The following ACOX3 variants were observed in gnomAD, a reference collection of about 807,000 sequenced individuals.
ACOX3 encodes acyl-CoA oxidase 3, pristanoyl.
ACOX3 carries 73 observed loss-of-function variants against 81.5 expected under a neutral mutation model. The ratio of observed to expected loss-of-function variants is 0.90; its 90% CI spans 0.74 to 1.09. The LOEUF (loss-of-function observed/expected upper bound fraction) is 1.09, where lower values mean the gene tolerates loss of function less well. Ranked by LOEUF, ACOX3 falls within the 50% of genes least tolerant of loss-of-function variation. The probability of loss-of-function intolerance (pLI) is 0.00; values close to 1 mark genes in which losing one functional copy is unlikely to be tolerated. For missense variants in ACOX3, 947 were observed against 928.0 expected, an observed-to-expected ratio of 1.02 and a Z score of -0.27; for synonymous variants, 387 against 375.1, an observed-to-expected ratio of 1.03 and a Z score of -0.37.
chr4:8,379,133 T>C lies in ACOX3; in HGVS notation c.1653+2359A>G, dbSNP rs370246856. 1.2e-4 allele frequency among the ~76,000 whole-genome samples: 19 copies of C among 152,380 alleles called. No individual in the cohort carries two copies. The East Asian group carries it at 2.9e-3, about 23-fold the overall frequency. ...GTCTTCCGATTTTGTTTAGAGCGTC[T>C]TTTGCAATGCAGAAATGCTGAACCT... On this transcript the variant is annotated intron_variant, in intron 14 of 17. Coordinates refer to ENST00000356406, the MANE Select transcript of ACOX3 (RefSeq NM_003501.3).
At chr4:8,439,841 G>A (rs918213896) in intron 1 of ACOX3, among the ~76,000 whole-genome samples, 2 of 152,152 alleles carry the variant, frequency 1.3e-5, no homozygotes, top group Non-Finnish European at 2.9e-5. Flanking sequence ...CAAAGGAAGG[G>A]ATAAGGAGAC....
rs1271503071 is a variant in ACOX3 at position 8,419,947 on chromosome 4, C to A, written c.-14-3412G>T. 2.6e-5 allele frequency among the ~76,000 whole-genome samples: 4 copies of A among 152,204 alleles called. No individual in the cohort carries two copies. In the East Asian group the frequency reaches 7.7e-4, roughly 29 times the overall value. ...TCCACAGTGCATCTCTAACACCTTACGGAATCTTCTCATTTCTCTCCAGCC... is the reference window on the plus strand; with the variant it reads ...TCCACAGTGCATCTCTAACACCTTAAGGAATCTTCTCATTTCTCTCCAGCC... On this transcript the variant is annotated intron_variant, in intron 1 of 17. Transcript: ENST00000356406. This position sits in a 1 kb window ranked among gnomAD's most constrained non-coding sequence, Gnocchi z 4.2.
chr4:8,369,357 G>A (rs896815933), intron 17 of ACOX3, among the ~76,000 whole-genome samples: 2 of 152,116 alleles, frequency 1.3e-5, no homozygotes, highest in African/African-American at 4.8e-5. Flanking sequence ...CAAGGCTCCC[G>A]CCAAGTCTTC....
Position 8,407,553 on chromosome 4 carries a change from G to A in ACOX3, c.688-1510C>T, listed in dbSNP as rs1036042215. Among the ~76,000 whole-genome samples the A allele has an allele frequency of 4.6e-5, 7 of 152,222 alleles. No homozygotes were observed. Among genetic ancestry groups the A allele is most frequent in the Non-Finnish European group, 1.0e-4 (7 of 68,042 alleles). On this transcript the variant is annotated intron_variant, in intron 6 of 17. Transcript: ENST00000356406. This position sits in a 1 kb window ranked among gnomAD's most constrained non-coding sequence, Gnocchi z 4.6. ...TACGTTATGCTGTTTCGAGCGCCCT[G>A]CTTTGTGGTGCTTTGCTGTGGCAGC...
chr4:8,367,107 G>A lies in ACOX3; in HGVS notation c.1984-27C>T, dbSNP rs1270665184. ...TGCAAACAACACGTACACAGCAAGT[G>A]AAGACAAAGAAATAAGAAGGAAAAG... On this transcript the variant is annotated intron_variant, in intron 17 of 17. Transcript: ENST00000356406. 4 of 1,606,414 alleles carry A rather than the reference G, an allele frequency of 2.5e-6. No homozygotes were observed. The East Asian group carries it at 6.7e-5, about 27-fold the overall frequency.
chr4:8,428,424 C>A (rs892919535), intron 1 of ACOX3: 2 of 152,654 alleles, frequency 1.3e-5, no homozygotes, highest in Non-Finnish European at 2.9e-5. Flanking sequence ...CCGCACAGCG[C>A]AGCTGTCTCT....
intron 7 of ACOX3, among the ~76,000 whole-genome samples, chr4:8,404,760 C>T (rs928129555): frequency 6.6e-6 from 1 of 152,214 alleles, no homozygotes; most frequent in Admixed American, 6.5e-5. Context: ...CCTCTCCTCT[C>T]CACCAGCCTC....
Position 8,438,496 on chromosome 4 carries a change from C to T in ACOX3, c.-15+2152G>A, listed in dbSNP as rs534041192. Among the ~76,000 whole-genome samples, 4 of 152,282 alleles carry T rather than the reference C, an allele frequency of 2.6e-5. No homozygotes were observed. The South Asian group carries it at 8.3e-4, about 32-fold the overall frequency. On this transcript the variant is annotated intron_variant, in intron 1 of 17. Transcript: ENST00000356406. Reference sequence around the variant, plus strand: ...TCACCAAACAAACTAGGTATTTACCCTATAAGATTTTGTTCGGTCGGCCAC... The same window carrying T: ...TCACCAAACAAACTAGGTATTTACCTTATAAGATTTTGTTCGGTCGGCCAC...
the ACOX3 span, chr4:8,357,064 C>T: frequency 3.8e-5 from 17 of 451,132 alleles, no homozygotes; most frequent in South Asian, 1.6e-4. Context: ...GTGTGGAGAA[C>T]GGTGCACGCT....
chr4:8,415,800 G>C lies in ACOX3; in HGVS notation c.344C>G (p.Ser115Cys), dbSNP rs1578971466. 2 of 1,614,118 alleles carry C rather than the reference G, an allele frequency of 1.2e-6. No individual in the cohort carries two copies. Among genetic ancestry groups the C allele is most frequent in the South Asian group, 2.2e-5 (2 of 91,074 alleles). Residue 115 changes from serine to cysteine, a missense_variant, in exon 3 of 18, where the codon TCT becomes TGT. Coordinates refer to ENST00000356406, the MANE Select transcript of ACOX3 (RefSeq NM_003501.3). ...ALIQCLGMYD[S>C]SLAAKYLLHS... The stretch of plus-strand genomic sequence containing the variant: ...GAGGAGGTACTTGGCAGCCAGAGAA[G>C]AGTCATACATGCCCAGGCACTGAAT...
chr4:8,405,996 G>A lies in ACOX3; in HGVS notation c.735C>T (p.Gly245=), dbSNP rs149771349. ...TLLPMPGVMV[G]DIGKKLGQNG... The stretch of plus-strand genomic sequence containing the variant: ...TCTGCCCGAGTTTTTTTCCTATGTC[G>A]CCAACCATCACTCCAGGCATGGGAA... Residue 245 remains glycine, a synonymous_variant, in exon 7 of 18, where the codon GGC becomes GGT. Coordinates refer to ENST00000356406, the MANE Select transcript of ACOX3 (RefSeq NM_003501.3). This position sits in a 1 kb window ranked among gnomAD's most constrained non-coding sequence, Gnocchi z 7.1. 6.1e-5 allele frequency: 98 copies of A among 1,614,042 alleles called. No individual in the cohort carries two copies. The African/African-American group carries it at 1.0e-3, about 17-fold the overall frequency.
At position 8,384,897 on chromosome 4, in the gene ACOX3, C is replaced by T. The variant is rs768128011; in HGVS notation, c.1538-3290G>A. ...TGGCCGGTGCTCCCCAAAAGCACAA[C>T]GCACGGACCCTCTGAGACACCCTCA... On this transcript the variant is annotated intron_variant, in intron 13 of 17. Transcript: ENST00000356406. This position sits in a 1 kb window ranked among gnomAD's most constrained non-coding sequence, Gnocchi z 5.3. Among the ~76,000 whole-genome samples the T allele has an allele frequency of 2.0e-5, 3 of 152,200 alleles. No homozygotes were observed. The highest frequency in any genetic ancestry group is 1.9e-4 in the East Asian group (1 of 5,190).
intron 9 of ACOX3, among the ~76,000 whole-genome samples, chr4:8,396,388 T>G (rs1719691204): frequency 6.6e-6 from 1 of 152,176 alleles, no homozygotes; most frequent in Non-Finnish European, 1.5e-5. Context: ...CATCCTTGCT[T>G]CTTTCTGGCC....
At chr4:8,436,551 A>G (rs1317860029) in intron 1 of ACOX3, among the ~76,000 whole-genome samples, 1 of 152,224 alleles carries the variant, frequency 6.6e-6, no homozygotes, top group Admixed American at 6.5e-5. Flanking sequence ...TTGCAGCAGT[A>G]CTAAGAGGCA....
At chr4:8,373,679 C>A (rs1201776421) in intron 15 of ACOX3, 51 bp from the exon 16 acceptor site, 1 of 1,553,308 alleles carries the variant, frequency 6.4e-7, no homozygotes. Flanking sequence ...CCAAAACCAC[C>A]CCCAATACCA....
rs767905359 is a variant in ACOX3 at position 8,407,042 on chromosome 4, G to C, written c.688-999C>G. ...GACACTTATGCTACCGCTAGACCAC[G>C]GTCTGCTTGGCAACGGGCGTCTTCC... On this transcript the variant is annotated intron_variant, in intron 6 of 17. Coordinates refer to ENST00000356406, the MANE Select transcript of ACOX3 (RefSeq NM_003501.3). This position sits in a 1 kb window ranked among gnomAD's most constrained non-coding sequence, Gnocchi z 4.6. Among the ~76,000 whole-genome samples the C allele has an allele frequency of 6.6e-6, 1 of 152,120 alleles. No homozygotes were observed. Among genetic ancestry groups the C allele is most frequent in the African/African-American group, 2.4e-5 (1 of 41,426 alleles).
At position 8,434,113 on chromosome 4, in the gene ACOX3, C is replaced by T. The variant is rs375127323; in HGVS notation, c.-15+6535G>A. 3.8e-4 allele frequency among the ~76,000 whole-genome samples: 58 copies of T among 152,236 alleles called. No individual in the cohort carries two copies. In the East Asian group the frequency reaches 7.1e-3, roughly 19 times the overall value. ...AAACTACTTGTGTTATCTTTAAATT[C>T]CAGACATTGTATGAAAAAGCATTGC... On this transcript the variant is annotated intron_variant, in intron 1 of 17. Coordinates refer to ENST00000356406, the MANE Select transcript of ACOX3 (RefSeq NM_003501.3).
chr4:8,399,761 G>C lies in ACOX3; in HGVS notation c.777-109C>G. ...TGCAATCCCCGAGGACAAAGAAAAT[G>C]GCAGAGGGCAAGTAGACAGGAACAT... On this transcript the variant is annotated intron_variant, in intron 7 of 17. Coordinates refer to ENST00000356406, the MANE Select transcript of ACOX3 (RefSeq NM_003501.3). The surrounding 1 kb of genome is among the most constrained non-coding windows in gnomAD (Gnocchi z 4.9). 1 of 942,690 alleles carries C rather than the reference G, an allele frequency of 1.1e-6. No individual in the cohort carries two copies. Among genetic ancestry groups the C allele is most frequent in the Non-Finnish European group, 1.7e-6 (1 of 604,352 alleles). The allele number at this position is 942,690 out of a possible 1,614,324, so 58.4% of individuals were successfully genotyped here.
the ACOX3 span, chr4:8,357,465 T>C: frequency 1.2e-5 from 4 of 344,596 alleles, no homozygotes; most frequent in South Asian, 4.5e-5. Context: ...TTATAAGTGA[T>C]ATCTATTTTC....
Sources: gnomAD v4.1 joint callset for allele counts (sites outside exome capture counted in the v4.1 genomes callset) on GRCh38, gnomAD v4.1.1 for gene constraint, Gnocchi (gnomAD v3.1) non-coding constraint, MANE v1.5 for transcripts, NCBI Gene and HGNC (gene_info 2026-07-23, HGNC 2026-07-21) for gene names.